CRTC3: variants seen among roughly 807,000 people sequenced by gnomAD.
CRTC3 encodes CREB regulated transcription coactivator 3.
CRTC3 carries 26 observed loss-of-function variants against 74.5 expected under a neutral mutation model. That is an observed-to-expected ratio of 0.35 (90% confidence interval 0.26 to 0.48). The LOEUF (loss-of-function observed/expected upper bound fraction) is 0.48, where lower values mean the gene tolerates loss of function less well. Among genes scored for constraint, CRTC3 ranks in the 20% least tolerant of loss-of-function variants. The pLI, the probability that CRTC3 is intolerant of heterozygous loss-of-function variation, is 0.99. For synonymous variants in CRTC3, 377 were observed against 325.8 expected (o/e 1.16, Z -1.69); for missense variants, 760 against 787.3 (o/e 0.97, Z 0.41).
chr15:90,626,555 GT>G (rs1186282930), intron 10 of CRTC3, among the ~76,000 whole-genome samples: 8 of 151,352 alleles, frequency 5.3e-5, no homozygotes, highest in African/African-American at 1.9e-4. Flanking sequence ...GGGTTTGATT[GT>G]CCACAGCTCA....
rs989913379 is a variant in CRTC3 at position 90,644,308 on chromosome 15, C to G, written c.*2168C>G. Reference sequence around the variant, plus strand: ...ACCAGCTCCTGTGTCAAAGGGCTTCCAAACCTGATCTCACTCTCAACAGGC... The same window carrying G: ...ACCAGCTCCTGTGTCAAAGGGCTTCGAAACCTGATCTCACTCTCAACAGGC... On this transcript the variant is annotated 3_prime_UTR_variant, in exon 15 of 15. Transcript: ENST00000268184. 3 of 229,944 alleles carry G rather than the reference C, an allele frequency of 1.3e-5. No individual in the cohort carries two copies. The highest frequency in any genetic ancestry group is 6.6e-5 in the African/African-American group (3 of 45,144). The allele number at this position is 229,944 out of a possible 1,614,324, so 14.2% of individuals were successfully genotyped here. A position where few individuals can be genotyped will look rare whatever the true frequency, so the allele number is the denominator to read the frequency against.
intron 2 of CRTC3, among the ~76,000 whole-genome samples, chr15:90,551,928 A>ACG (rs1196515357): frequency 5.5e-4 from 5 of 9,088 alleles, no homozygotes; most frequent in African/African-American, 2.4e-3. Context: ...CATTACACAC[A>ACG]CGCACACACA....
At chr15:90,580,254 CACTGAAGCCGGG>C (rs980236829) in intron 2 of CRTC3, among the ~76,000 whole-genome samples, 4 of 152,070 alleles carry the variant, frequency 2.6e-5, no homozygotes, top group African/African-American at 9.7e-5. Flanking sequence ...AAAGGTTCAG[CACTGAAGCCGGG>C]AGCCAGGAGA....
chr15:90,631,176 G>T (rs1969025590), intron 11 of CRTC3, among the ~76,000 whole-genome samples: 1 of 152,172 alleles, frequency 6.6e-6, no homozygotes, highest in Admixed American at 6.5e-5. Flanking sequence ...TCTTGTTATT[G>T]GTCACTCTTT....
At chr15:90,618,114 A>G (rs973713477) in intron 8 of CRTC3, 146 bp downstream of exon 8, 3 of 498,680 alleles carry the variant, frequency 6.0e-6, no homozygotes, top group African/African-American at 1.9e-5. Context: ...TATACAAGGG[A>G]AGGACGTTTC....
At chr15:90,563,979 T>C (rs1967068530) in intron 2 of CRTC3, among the ~76,000 whole-genome samples, 1 of 152,264 alleles carries the variant, frequency 6.6e-6, no homozygotes, top group Admixed American at 6.5e-5. Context: ...TACTGAACTT[T>C]TGCTGTGCAT....
chr15:90,619,801 T>C lies in CRTC3; in HGVS notation c.749+11T>C, dbSNP rs1355978973. 12 of 1,610,170 alleles carry C rather than the reference T, an allele frequency of 7.5e-6. No homozygotes were observed. In the African/African-American group the frequency reaches 1.6e-4, roughly 22 times the overall value. ...TGTTGGAGGTGGCAAGTAAGTAATA[T>C]TCTTTCTGTTCGTGTTTCAGGGACT... On this transcript the variant is annotated intron_variant, in intron 9 of 14. Transcript: ENST00000268184.
Position 90,642,750 on chromosome 15 carries a change from A to G in CRTC3, c.*610A>G, listed in dbSNP as rs1268398695. On this transcript the variant is annotated 3_prime_UTR_variant, in exon 15 of 15. Coordinates refer to ENST00000268184, the MANE Select transcript of CRTC3 (RefSeq NM_022769.5). The stretch of plus-strand genomic sequence containing the variant: ...TTAGGCAGACTGAAGGCTAATTTTC[A>G]TTTTCTCCCAGCTGGTTTCTGCTGC... 8.7e-6 allele frequency: 2 copies of G among 231,166 alleles called. No individual in the cohort carries two copies. The highest frequency in any genetic ancestry group is 4.4e-5 in the African/African-American group (2 of 45,098). 14.3% of individuals were successfully genotyped at this position (231,166 alleles called of 1,614,324 possible). A position where few individuals can be genotyped will look rare whatever the true frequency, so the allele number is the denominator to read the frequency against.
chr15:90,635,822 T>A (rs1198134671), intron 11 of CRTC3, among the ~76,000 whole-genome samples: 2 of 152,062 alleles, frequency 1.3e-5, no homozygotes, highest in Non-Finnish European at 2.9e-5. Flanking sequence ...TTCTAAAGAA[T>A]AAAATACCTA....
chr15:90,587,392 G>A (rs1425865509), intron 2 of CRTC3, among the ~76,000 whole-genome samples: 2 of 152,150 alleles, frequency 1.3e-5, no homozygotes, highest in Non-Finnish European at 2.9e-5. Flanking sequence ...TCTGCCGTTA[G>A]CATTAGCCAT....
chr15:90,537,922 A>T (rs1163123015), intron 1 of CRTC3, among the ~76,000 whole-genome samples: 1 of 152,200 alleles, frequency 6.6e-6, no homozygotes, highest in Non-Finnish European at 1.5e-5. Context: ...CTTCGGAAAT[A>T]GGTGCTTTGG....
At chr15:90,634,392 C>T (rs538350747) in intron 11 of CRTC3, among the ~76,000 whole-genome samples, 9 of 152,268 alleles carry the variant, frequency 5.9e-5, no homozygotes, top group African/African-American at 1.9e-4. Context: ...AGATTACAGG[C>T]GTGAGCCAGC....
intron 11 of CRTC3, among the ~76,000 whole-genome samples, chr15:90,633,725 C>T (rs1307851302): frequency 2.6e-5 from 4 of 151,730 alleles, no homozygotes; most frequent in Admixed American, 1.3e-4. Context: ...TGGAACTCTA[C>T]GAATGTTGAC....
rs1969502831 is a variant in CRTC3, at chr15:90,642,968, C to A, written c.*828C>A. ...CAGACAAACTCCAGACAAGCACAGACCTCCCCACTAAGAGCAGCCAGAGGG... is the reference window on the plus strand; with the variant it reads ...CAGACAAACTCCAGACAAGCACAGAACTCCCCACTAAGAGCAGCCAGAGGG... On this transcript the variant is annotated 3_prime_UTR_variant, in exon 15 of 15. Transcript: ENST00000268184. The A allele has an allele frequency of 4.3e-6, 1 of 232,718 alleles. No individual in the cohort carries two copies. The highest frequency in any genetic ancestry group is 8.5e-6 in the Non-Finnish European group (1 of 117,822). 14.4% of individuals were successfully genotyped at this position (232,718 alleles called of 1,614,324 possible).
chr15:90,556,844 GACT>G (rs1220651442), intron 2 of CRTC3, among the ~76,000 whole-genome samples: 2 of 151,622 alleles, frequency 1.3e-5, no homozygotes, highest in Non-Finnish European at 2.9e-5. Context: ...ACTTTTCAAT[GACT>G]ACTTTCTAAT....
At chr15:90,559,454 A>G (rs1409219793) in intron 2 of CRTC3, among the ~76,000 whole-genome samples, 1 of 152,182 alleles carries the variant, frequency 6.6e-6, no homozygotes, top group Non-Finnish European at 1.5e-5. Context: ...CAGCTCTGTC[A>G]ATTACTGGTT....
intron 5 of CRTC3, among the ~76,000 whole-genome samples, chr15:90,604,877 C>T (rs775097212): frequency 3.3e-5 from 5 of 152,122 alleles, no homozygotes; most frequent in Admixed American, 6.5e-5. Flanking sequence ...TCAATCCTGA[C>T]AACACCCTAC....
intron 3 of CRTC3, chr15:90,600,357 C>T (rs1264212164): frequency 6.6e-6 from 1 of 152,298 alleles, no homozygotes; most frequent in Non-Finnish European, 1.5e-5. Flanking sequence ...GATAGGGCCC[C>T]ACTCCATCAA....
At chr15:90,593,004 T>G (rs1397134366) in intron 2 of CRTC3, among the ~76,000 whole-genome samples, 2 of 152,020 alleles carry the variant, frequency 1.3e-5, no homozygotes, top group African/African-American at 4.8e-5. Flanking sequence ...AATACAAAAA[T>G]TAGCTGGGCG....
Sources: gnomAD v4.1 joint callset for allele counts (sites outside exome capture counted in the v4.1 genomes callset) on GRCh38, gnomAD v4.1.1 for gene constraint, MANE v1.5 for transcripts, NCBI Gene and HGNC (gene_info 2026-07-23, HGNC 2026-07-21) for gene names.